CALN1: variants seen among roughly 807,000 people sequenced by gnomAD.
CALN1 encodes the protein calneuron 1.
A neutral mutation model predicts 30.6 loss-of-function variants in CALN1; 17 were observed. The observed-to-expected ratio is 0.56, with a 90% CI of 0.38 to 0.83. The LOEUF (loss-of-function observed/expected upper bound fraction) is 0.83. Ranked by LOEUF, CALN1 falls within the 40% of genes least tolerant of loss-of-function variation. The probability of loss-of-function intolerance (pLI) is 0.00; values close to 1 mark genes in which losing one functional copy is unlikely to be tolerated. For missense variants in CALN1, 291 were observed against 354.9 expected (o/e 0.82, Z 1.45); for synonymous variants, 156 against 131.4 (o/e 1.19, Z -1.28).
chr7:72,089,931 A>G (rs1354139063), intron 4 of CALN1, among the ~76,000 whole-genome samples: 2 of 152,194 alleles, frequency 1.3e-5, no homozygotes, highest in East Asian at 3.9e-4. Flanking sequence ...TAGAGCCAGT[A>G]CCTTCATGAA....
chr7:72,143,030 CAG>C (rs1421465807), intron 3 of CALN1, among the ~76,000 whole-genome samples: 1 of 152,158 alleles, frequency 6.6e-6, no homozygotes, highest in African/African-American at 2.4e-5. Context: ...GGGGAAAAAA[CAG>C]AGCAGAAAAA....
chr7:72,457,939 A>G, the CALN1 span, among the ~76,000 whole-genome samples: 3 of 150,480 alleles, frequency 2.0e-5, no homozygotes, highest in Non-Finnish European at 3.0e-5. Context: ...TATTTTTTGT[A>G]GAGATAGGGT....
chr7:71,997,864 T>C (rs1285664692), intron 5 of CALN1, among the ~76,000 whole-genome samples: 4 of 152,112 alleles, frequency 2.6e-5, no homozygotes, highest in Non-Finnish European at 1.5e-5. Flanking sequence ...CTTGTCCCCC[T>C]GGCTGGAGTG....
intron 5 of CALN1, among the ~76,000 whole-genome samples, chr7:72,012,478 C>T (rs1013579439): frequency 1.3e-5 from 2 of 152,194 alleles, no homozygotes; most frequent in African/African-American, 2.4e-5. Context: ...TGCCACTGCA[C>T]TCCAGCCTGG....
At position 72,422,659 on chromosome 7, in the gene CALN1, C is replaced by T. The variant is rs138213163; in HGVS notation, c.-225-10384G>A. 6.6e-5 allele frequency among the ~76,000 whole-genome samples: 10 copies of T among 152,204 alleles called. No individual in the cohort carries two copies. In the East Asian group the frequency reaches 1.7e-3, roughly 26 times the overall value. On this transcript the variant is annotated intron_variant, in intron 1 of 6. Transcript: ENST00000395276. ...TCCATTTATATAAATTGTCATTTACCTGTTTCATTCTTATTCTTCATCCTT... is the reference window on the plus strand; with the variant it reads ...TCCATTTATATAAATTGTCATTTACTTGTTTCATTCTTATTCTTCATCCTT...
At chr7:72,147,603 T>A (rs1038866245) in intron 3 of CALN1, among the ~76,000 whole-genome samples, 1 of 152,002 alleles carries the variant, frequency 6.6e-6, no homozygotes, top group Non-Finnish European at 1.5e-5. Flanking sequence ...ACTGGGTATA[T>A]ACCCAAAGGA....
In CALN1 at chr7:71,814,236, G is replaced by A. The variant is rs1052819555; in HGVS notation, c.502-3744C>T. Among the ~76,000 whole-genome samples the A allele has an allele frequency of 2.0e-5, 3 of 152,308 alleles. No individual in the cohort carries two copies. The East Asian group carries it at 5.8e-4, about 29-fold the overall frequency. On this transcript the variant is annotated intron_variant, in intron 5 of 6. Coordinates refer to ENST00000395275, the MANE Select transcript of CALN1 (RefSeq NM_031468.4). Reference sequence around the variant, plus strand: ...GGTATCCCATGTTTTGCTTTCCAGAGGGGAATGTTTTTGGTGGTTGGCCTG... The same window carrying A: ...GGTATCCCATGTTTTGCTTTCCAGAAGGGAATGTTTTTGGTGGTTGGCCTG...
intron 2 of CALN1, among the ~76,000 whole-genome samples, chr7:72,287,356 T>C (rs1798149519): frequency 6.6e-6 from 1 of 151,896 alleles, no homozygotes; most frequent in African/African-American, 2.4e-5. Flanking sequence ...ACACCATCCA[T>C]ATGCTTTTGC....
rs924800509 is a variant in CALN1 at position 72,264,888 on chromosome 7, C to T, written c.244+13798G>A. Among the ~76,000 whole-genome samples the T allele has an allele frequency of 5.3e-5, 8 of 152,128 alleles. 1 individual carries two copies. Among genetic ancestry groups the T allele is most frequent in the African/African-American group, 7.2e-5 (3 of 41,442 alleles). ...GTGTGTATTGTTCCCCTCTATGTGA[C>T]CATGTGTTCTCATCATTTAGCTCCA... On this transcript the variant is annotated intron_variant, in intron 3 of 6. Coordinates refer to ENST00000395275, the MANE Select transcript of CALN1 (RefSeq NM_031468.4).
chr7:72,465,463 C>T, the CALN1 span, among the ~76,000 whole-genome samples: 1 of 152,154 alleles, frequency 6.6e-6, no homozygotes. Flanking sequence ...CAAACTGGGG[C>T]TTTAAGACGT....
At chr7:72,115,127 T>C (rs1201914862) in intron 3 of CALN1, among the ~76,000 whole-genome samples, 3 of 147,664 alleles carry the variant, frequency 2.0e-5, no homozygotes, top group African/African-American at 7.4e-5. Flanking sequence ...TAGTATAATA[T>C]AAATATATAG....
chr7:72,478,049 A>G, the CALN1 span, among the ~76,000 whole-genome samples: 1 of 152,022 alleles, frequency 6.6e-6, no homozygotes, highest in Non-Finnish European at 1.5e-5. Context: ...CGTTGCTTGG[A>G]TCAGAATAAG....
At chr7:72,301,383 G>T (rs1014446030) in intron 2 of CALN1, among the ~76,000 whole-genome samples, 1 of 151,736 alleles carries the variant, frequency 6.6e-6, no homozygotes, top group Non-Finnish European at 1.5e-5. Context: ...CGAGGCAGGT[G>T]TATCACTTGA....
At chr7:71,809,936 G>A (rs1202892745) in intron 6 of CALN1, among the ~76,000 whole-genome samples, 1 of 151,856 alleles carries the variant, frequency 6.6e-6, no homozygotes, top group Non-Finnish European at 1.5e-5. Flanking sequence ...GAAACACAGA[G>A]AAGGTCCATC....
chr7:71,967,694 A>G (rs1220642460), intron 5 of CALN1, among the ~76,000 whole-genome samples: 1 of 151,814 alleles, frequency 6.6e-6, no homozygotes, highest in Non-Finnish European at 1.5e-5. Flanking sequence ...AAAGAATATA[A>G]AGAACTTTCA....
chr7:71,810,887 A>G (rs1217047044), intron 5 of CALN1, among the ~76,000 whole-genome samples: 2 of 148,654 alleles, frequency 1.3e-5, no homozygotes, highest in Non-Finnish European at 3.0e-5. Flanking sequence ...TATTGGTTTA[A>G]GCATGTATCT....
At chr7:71,909,453 G>A (rs967794400) in intron 5 of CALN1, among the ~76,000 whole-genome samples, 12 of 151,358 alleles carry the variant, frequency 7.9e-5, no homozygotes, top group Non-Finnish European at 1.5e-4. Context: ...AAAAAAAAAA[G>A]CAGACTGCTA....
chr7:72,078,130 T>C (rs1249561293), intron 4 of CALN1, among the ~76,000 whole-genome samples: 4 of 152,168 alleles, frequency 2.6e-5, no homozygotes, highest in Non-Finnish European at 5.9e-5. Flanking sequence ...TTTGGAAGCT[T>C]AGGGGAGCGA....
rs79220500 is a variant in CALN1, at chr7:71,865,339, G to T, written c.502-54847C>A. 1.2e-4 allele frequency among the ~76,000 whole-genome samples: 19 copies of T among 152,260 alleles called. No individual in the cohort carries two copies. In the East Asian group the frequency reaches 3.7e-3, roughly 29 times the overall value. On this transcript the variant is annotated intron_variant, in intron 5 of 6. Coordinates refer to ENST00000395275, the MANE Select transcript of CALN1 (RefSeq NM_031468.4). ...TATCTCTTCCTCCAGCTCTGGCCAC[G>T]TAAGAAGTGCCTGCTTCTCCAGGAG...
Sources: gnomAD v4.1 joint callset for allele counts (sites outside exome capture counted in the v4.1 genomes callset) on GRCh38, gnomAD v4.1.1 for gene constraint, MANE v1.5 for transcripts, NCBI Gene and HGNC (gene_info 2026-07-23, HGNC 2026-07-21) for gene names.